Variants in KCNH7 observed in about 807,000 individuals in gnomAD.
KCNH7 encodes the protein voltage-gated inwardly rectifying potassium channel KCNH7.
A neutral mutation model predicts 120.8 loss-of-function variants in KCNH7; 49 were observed. The ratio of observed to expected loss-of-function variants is 0.41; its 90% confidence interval spans 0.32 to 0.51. KCNH7 has a LOEUF of 0.51. KCNH7 is among the 20% of genes least tolerant of loss of function. KCNH7 has a pLI of 0.38. For missense variants in KCNH7, 1,097 were observed against 1,446.6 expected, an observed-to-expected ratio of 0.76 and a Z score of 3.92; for synonymous variants, 547 against 516.1, an observed-to-expected ratio of 1.06 and a Z score of -0.81.
intron 6 of KCNH7, among the ~76,000 whole-genome samples, chr2:162,492,432 A>G (rs1319513442): frequency 6.6e-6 from 1 of 152,140 alleles, no homozygotes; most frequent in Admixed American, 6.5e-5. Context: ...TGCCATTTTA[A>G]TGGCCACATG....
chr2:162,433,045 T>G lies in KCNH7; in HGVS notation c.1954+2153A>C, dbSNP rs574962340. On this transcript the variant is annotated intron_variant, in intron 8 of 15. Coordinates refer to ENST00000332142, the MANE Select transcript of KCNH7 (RefSeq NM_033272.4). ...AATCCCATTTACAACAGTCAAAAAA[T>G]AAAATAGCGGGGAATACATCTAACC... Among the ~76,000 whole-genome samples the G allele has an allele frequency of 2.6e-5, 4 of 152,028 alleles. No homozygotes were observed. In the South Asian group the frequency reaches 8.3e-4, roughly 32 times the overall value.
chr2:162,543,554 T>A (rs1339845147), intron 2 of KCNH7, among the ~76,000 whole-genome samples: 1 of 152,160 alleles, frequency 6.6e-6, no homozygotes, highest in African/African-American at 2.4e-5. Flanking sequence ...GTGAATAATT[T>A]ATTTTCAATT....
chr2:162,789,832 G>A (rs894985344), intron 2 of KCNH7, among the ~76,000 whole-genome samples: 1 of 151,810 alleles, frequency 6.6e-6, no homozygotes, highest in African/African-American at 2.4e-5. Flanking sequence ...CAAATCTTAT[G>A]GGATATAGCA....
intron 2 of KCNH7, among the ~76,000 whole-genome samples, chr2:162,722,794 TTTCA>T (rs1230025802): frequency 6.6e-6 from 1 of 150,566 alleles, no homozygotes; most frequent in Admixed American, 6.6e-5. Context: ...CTTCAATCCT[TTTCA>T]TTCATTCTTT....
intron 2 of KCNH7, among the ~76,000 whole-genome samples, chr2:162,580,191 C>T (rs565979544): frequency 6.6e-6 from 1 of 152,014 alleles, no homozygotes; most frequent in Non-Finnish European, 1.5e-5. Context: ...GCAGTGCTAA[C>T]TTGTTTACAT....
At chr2:162,523,959 C>G (rs1339239211) in intron 3 of KCNH7, among the ~76,000 whole-genome samples, 2 of 151,780 alleles carry the variant, frequency 1.3e-5, no homozygotes, top group Non-Finnish European at 2.9e-5. Context: ...AGTAGTCAAG[C>G]AAATTAGACA....
chr2:162,597,280 TA>T (rs1401581429), intron 2 of KCNH7, among the ~76,000 whole-genome samples: 3 of 152,120 alleles, frequency 2.0e-5, no homozygotes, highest in South Asian at 2.1e-4. Context: ...ACAGCTAAGA[TA>T]AGGAAACAAC....
At chr2:162,837,754 G>A (rs762606076) in intron 1 of KCNH7, among the ~76,000 whole-genome samples, 41 of 152,064 alleles carry the variant, frequency 2.7e-4, no homozygotes, top group Admixed American at 7.2e-4. Flanking sequence ...TGTGCATTCA[G>A]TCTTTGTGGG....
intron 2 of KCNH7, among the ~76,000 whole-genome samples, chr2:162,665,454 T>A (rs2105285879): frequency 6.6e-6 from 1 of 152,286 alleles, no homozygotes; most frequent in Non-Finnish European, 1.5e-5. Flanking sequence ...CTCACTAACA[T>A]ATTTTTTATG....
At chr2:162,664,184 C>T (rs930803166) in intron 2 of KCNH7, among the ~76,000 whole-genome samples, 2 of 152,088 alleles carry the variant, frequency 1.3e-5, no homozygotes, top group Admixed American at 6.6e-5. Flanking sequence ...TCAAGACACC[C>T]TTTAAGAACT....
intron 2 of KCNH7, among the ~76,000 whole-genome samples, chr2:162,744,421 T>C (rs1177085868): frequency 2.0e-5 from 3 of 152,158 alleles, no homozygotes; most frequent in African/African-American, 7.2e-5. Context: ...TTTCCTTAAA[T>C]GCACTGTAAT....
chr2:162,394,461 T>C lies in KCNH7; in HGVS notation c.2638A>G (p.Met880Val), dbSNP rs750123419. 1.2e-6 allele frequency: 2 copies of C among 1,605,380 alleles called. No individual in the cohort carries two copies. The highest frequency in any genetic ancestry group is 2.2e-5 in the East Asian group (1 of 44,658). The change falls in exon 12 of 16, where the codon ATG becomes GTG. Residue 880 changes from methionine (M) to valine (V), a missense_variant. Physicochemically the swap from Met to Val is conservative, Grantham distance 21. Coordinates refer to ENST00000332142, the MANE Select transcript of KCNH7 (RefSeq NM_033272.4). The part of the protein sequence containing the change: ...AKADLLRSQS[M>V]NDSEGDNCKL... ...CAGTTGTCTCCTTCTGAATCATTCATGGATTGTGATCGTAGGAGATCAGCC... is the reference window on the plus strand; with the variant it reads ...CAGTTGTCTCCTTCTGAATCATTCACGGATTGTGATCGTAGGAGATCAGCC...
chr2:162,838,489 T>C lies in KCNH7; in HGVS notation c.30A>G (p.Pro10=), dbSNP rs1685739048. The C allele has an allele frequency of 6.2e-7, 1 of 1,613,538 alleles. No homozygotes were observed. Among genetic ancestry groups the C allele is most frequent in the Non-Finnish European group, 8.5e-7 (1 of 1,179,986 alleles). MPVRRGHVA[P]QNTFLGTIIR... is the part of the protein sequence containing the mutation. ...TGATGGTCCCCAGAAATGTATTTTG[T>C]GGTGCCACATGCCCCCTGCGCACAG... Residue 10 remains proline, a synonymous_variant, in exon 1 of 16, where the codon CCA becomes CCG. Coordinates refer to ENST00000332142, the MANE Select transcript of KCNH7 (RefSeq NM_033272.4).
chr2:162,695,683 C>A, intron 2 of KCNH7, among the ~76,000 whole-genome samples: 1 of 152,070 alleles, frequency 6.6e-6, no homozygotes, highest in African/African-American at 2.4e-5. Context: ...AGCAAGAGAT[C>A]CAAGCCAGAT....
chr2:162,413,381 C>T (rs527744491), intron 9 of KCNH7, among the ~76,000 whole-genome samples: 1 of 152,108 alleles, frequency 6.6e-6, no homozygotes, highest in African/African-American at 2.4e-5. Flanking sequence ...CCCGCTTTGG[C>T]CTCCCAAAGT....
chr2:162,397,822 T>C (rs932966069), intron 10 of KCNH7, among the ~76,000 whole-genome samples: 1 of 151,838 alleles, frequency 6.6e-6, no homozygotes, highest in Non-Finnish European at 1.5e-5. Flanking sequence ...ATTTTATGAA[T>C]ACAGAAAGAG....
chr2:162,461,794 A>G (rs1689156343), intron 6 of KCNH7, among the ~76,000 whole-genome samples: 2 of 152,280 alleles, frequency 1.3e-5, no homozygotes, highest in South Asian at 4.1e-4. Flanking sequence ...GTGATAGCAT[A>G]TGTCCTCATA....
chr2:162,393,799 G>T (rs1686817686), intron 12 of KCNH7, among the ~76,000 whole-genome samples: 1 of 151,874 alleles, frequency 6.6e-6, no homozygotes, highest in Non-Finnish European at 1.5e-5. Flanking sequence ...ACTATTTGAG[G>T]GCGTGTCTAT....
intron 6 of KCNH7, among the ~76,000 whole-genome samples, chr2:162,456,630 GGGAGTCTA>G (rs1160535227): frequency 1.3e-5 from 2 of 152,058 alleles, no homozygotes; most frequent in Non-Finnish European, 2.9e-5. Context: ...ATTATCACGA[GGGAGTCTA>G]AGTCTCTTTG....
Sources: gnomAD v4.1 joint callset for allele counts (sites outside exome capture counted in the v4.1 genomes callset) on GRCh38, gnomAD v4.1.1 for gene constraint, MANE v1.5 for transcripts, NCBI Gene and HGNC (gene_info 2026-07-23, HGNC 2026-07-21) for gene names.